SVEP1: variants seen among roughly 807,000 people sequenced by gnomAD.
The protein encoded by SVEP1 is sushi, von Willebrand factor type A, EGF and pentraxin domain-containing protein 1.
In SVEP1, 164 loss-of-function variants were observed where a neutral mutation model predicts 367.3. The observed-to-expected ratio is 0.45, with a 90% confidence interval of 0.39 to 0.51. The LOEUF (loss-of-function observed/expected upper bound fraction) is 0.51. SVEP1 is among the 20% of genes least tolerant of loss of function. SVEP1 has a pLI of 0.00. For missense variants in SVEP1, 4,117 were observed against 4,425.3 expected (o/e 0.93, Z 1.98); for synonymous variants, 1,666 against 1,611.6 (o/e 1.03, Z -0.81).
At chr9:110,460,564 C>A (rs1468915739) in intron 18 of SVEP1, among the ~76,000 whole-genome samples, 2 of 152,044 alleles carry the variant, frequency 1.3e-5, no homozygotes, top group South Asian at 2.1e-4. Flanking sequence ...ACTAGCCTGG[C>A]CAAAATGGCG....
chr9:110,451,287 A>C lies in SVEP1; in HGVS notation c.3901+2T>G, dbSNP rs1588059810. On this transcript the variant is annotated splice_donor_variant, in intron 23 of 47. Transcript: ENST00000374469. LOFTEE classifies it high-confidence loss of function. ...AACATAGGAAGACTGGAAACATCTT[A>C]CCTACAAATCCTTTCACACATGTGC... The C allele has an allele frequency of 6.2e-7, 1 of 1,610,386 alleles. No individual in the cohort carries two copies. Among genetic ancestry groups the C allele is most frequent in the Non-Finnish European group, 8.5e-7 (1 of 1,176,748 alleles).
rs201931543 is a variant in SVEP1, at chr9:110,401,033, A to G, written c.9667-24T>C. ...AGCTAAGTGACAAATAACAAAATGTAAGTTATGTTTAGAAGTTAATACATA... is the reference window on the plus strand; with the variant it reads ...AGCTAAGTGACAAATAACAAAATGTGAGTTATGTTTAGAAGTTAATACATA... On this transcript the variant is annotated intron_variant, in intron 39 of 47. Coordinates refer to ENST00000374469, the MANE Select transcript of SVEP1 (RefSeq NM_153366.4). 255 of 1,612,072 alleles carry G rather than the reference A, an allele frequency of 1.6e-4. No homozygotes were observed. The African/African-American group carries it at 3.2e-3, about 20-fold the overall frequency.
intron 36 of SVEP1, among the ~76,000 whole-genome samples, chr9:110,423,320 A>G (rs958271655): frequency 4.6e-5 from 7 of 152,118 alleles, no homozygotes; most frequent in Non-Finnish European, 7.4e-5. Flanking sequence ...TGCAAAGAAC[A>G]TCTTCAGGAA....
At chr9:110,377,071 T>C (rs1300448983) in intron 45 of SVEP1, 200 bp downstream of exon 45, 1 of 450,668 alleles carries the variant, frequency 2.2e-6, no homozygotes, top group Non-Finnish European at 3.9e-6. Flanking sequence ...AGATGGATCT[T>C]AATAACAGTA....
At chr9:110,509,929 A>T (rs1829682179) in intron 5 of SVEP1, among the ~76,000 whole-genome samples, 1 of 151,834 alleles carries the variant, frequency 6.6e-6, no homozygotes, top group Non-Finnish European at 1.5e-5. Context: ...AGTTAGTTAC[A>T]TTGGGAAATA....
intron 9 of SVEP1, among the ~76,000 whole-genome samples, chr9:110,484,812 G>A (rs557748229): frequency 5.6e-4 from 85 of 151,762 alleles, no homozygotes; most frequent in Non-Finnish European, 7.2e-4. Flanking sequence ...ATATTTATGC[G>A]GCCAACAAAC....
At chr9:110,423,561 G>A (rs1828208404) in intron 36 of SVEP1, among the ~76,000 whole-genome samples, 1 of 152,084 alleles carries the variant, frequency 6.6e-6, no homozygotes, top group African/African-American at 2.4e-5. Flanking sequence ...TGTTCAGGAA[G>A]AAGGCAGAAA....
intron 12 of SVEP1, among the ~76,000 whole-genome samples, chr9:110,480,709 G>A (rs190126839): frequency 4.0e-5 from 6 of 151,866 alleles, no homozygotes; most frequent in African/African-American, 1.5e-4. Context: ...AAAGTTCCCT[G>A]CAGTCTGAAA....
chr9:110,458,317 G>A (rs1257201802), intron 20 of SVEP1, among the ~76,000 whole-genome samples, 154 bp downstream of exon 20: 2 of 152,164 alleles, frequency 1.3e-5, no homozygotes, highest in Non-Finnish European at 2.9e-5. Context: ...TTCTAAACAG[G>A]AGTCATTGTA....
chr9:110,579,434 T>A lies in SVEP1; in HGVS notation c.110A>T (p.Glu37Val), dbSNP rs1830666960. The change falls in exon 1 of 48, where the codon GAG becomes GTG. Residue 37 changes from glutamate to valine, a missense_variant. Transcript: ENST00000374469. This position sits in a 1 kb window ranked among gnomAD's most constrained non-coding sequence, Gnocchi z 5.3. The part of the protein sequence containing the change: ...SRNFSFRLFP[E>V]TAPGAPGSIP... ...ACTCCCGGGGGCCCCGGGCGCGGTC[T>A]CGGGGAAGAGGCGGAAGCTGAAATT... is the stretch of plus-strand genomic sequence containing the variant. The A allele has an allele frequency of 6.3e-7, 1 of 1,591,234 alleles. No homozygotes were observed. The highest frequency in any genetic ancestry group is 1.3e-5 in the African/African-American group (1 of 74,254).
At chr9:110,538,876 TG>T (rs968645735) in intron 3 of SVEP1, among the ~76,000 whole-genome samples, 4 of 152,130 alleles carry the variant, frequency 2.6e-5, no homozygotes, top group Non-Finnish European at 5.9e-5. Flanking sequence ...TGTGATTTGA[TG>T]ATCTATCCAT....
At chr9:110,500,396 T>A (rs1030948637) in intron 6 of SVEP1, among the ~76,000 whole-genome samples, 1 of 152,046 alleles carries the variant, frequency 6.6e-6, no homozygotes, top group Non-Finnish European at 1.5e-5. Flanking sequence ...TTGAAAATTT[T>A]ATTCTTTTTT....
intron 1 of SVEP1, 111 bp from the exon 2 acceptor site, chr9:110,550,215 G>A: frequency 7.1e-7 from 1 of 1,405,284 alleles, no homozygotes; most frequent in Admixed American, 1.8e-5. Flanking sequence ...TCACAGGCAT[G>A]AGGGATGGAA....
At chr9:110,450,006 C>A (rs1437802066) in intron 24 of SVEP1, 53 bp downstream of exon 24, 1 of 1,591,662 alleles carries the variant, frequency 6.3e-7, no homozygotes. Context: ...TGCAGAATCA[C>A]TGAATAGTTT....
intron 1 of SVEP1, among the ~76,000 whole-genome samples, chr9:110,572,074 C>G (rs1406038701): frequency 1.3e-5 from 2 of 151,748 alleles, no homozygotes; most frequent in African/African-American, 4.9e-5. Context: ...TTCTCCTTAG[C>G]TTTTGATACC....
intron 3 of SVEP1, among the ~76,000 whole-genome samples, chr9:110,532,244 G>C (rs1170292872): frequency 1.3e-5 from 2 of 152,144 alleles, no homozygotes; most frequent in African/African-American, 4.8e-5. Context: ...TAGAATATTA[G>C]AGAAAAGAAA....
chr9:110,430,839 T>A (rs1828340161), intron 32 of SVEP1, among the ~76,000 whole-genome samples: 2 of 152,166 alleles, frequency 1.3e-5, no homozygotes, highest in Non-Finnish European at 2.9e-5. Flanking sequence ...AAAGGCTGAA[T>A]AAAGCAGATT....
chr9:110,453,512 T>C (rs10081633), intron 22 of SVEP1, among the ~76,000 whole-genome samples: 25,081 of 152,168 alleles, frequency 0.16, 2,264 homozygotes, highest in South Asian at 0.23. Flanking sequence ...TAAAAAAGTA[T>C]ATAAGTGATC....
chr9:110,456,616 T>A (rs1828779055), intron 21 of SVEP1, among the ~76,000 whole-genome samples: 1 of 152,224 alleles, frequency 6.6e-6, no homozygotes, highest in Non-Finnish European at 1.5e-5. Flanking sequence ...AACTTTCAAG[T>A]TGGTTGTATA....
Sources: gnomAD v4.1 joint callset for allele counts (sites outside exome capture counted in the v4.1 genomes callset) on GRCh38, gnomAD v4.1.1 for gene constraint, Gnocchi (gnomAD v3.1) non-coding constraint, MANE v1.5 for transcripts, NCBI Gene and HGNC (gene_info 2026-07-23, HGNC 2026-07-21) for gene names.